Variants in PTCHD4 observed in about 807,000 individuals in gnomAD.
PTCHD4 encodes patched domain-containing protein 4.
PTCHD4 carries 33 observed loss-of-function variants against 58.1 expected under a neutral mutation model. The observed-to-expected ratio is 0.57, with a 90% CI of 0.43 to 0.76. The LOEUF is 0.76. Ranked by LOEUF, PTCHD4 falls within the 30% of genes least tolerant of loss-of-function variation. The pLI is 0.00. For missense variants in PTCHD4, 1,058 were observed against 1,027.1 expected (o/e 1.03, Z -0.41); for synonymous variants, 478 against 409.6 (o/e 1.17, Z -2.02).
rs1309969530 is a variant in PTCHD4, at chr6:48,111,111, A to T, written c.-1032T>A. On this transcript the variant is annotated 5_prime_UTR_variant, in exon 1 of 5. Coordinates refer to ENST00000339488, the MANE Select transcript of PTCHD4 (RefSeq NM_001384253.1). ...CAACAGAATTGGAGAGTGAGAGGGG[A>T]TTTCTTTTATTTCTTCTCTGCTACT... Among the ~76,000 whole-genome samples, 1 of 151,458 alleles carries T rather than the reference A, an allele frequency of 6.6e-6. No individual in the cohort carries two copies. The highest frequency in any genetic ancestry group is 1.5e-5 in the Non-Finnish European group (1 of 67,896).
chr6:48,041,012 C>T (rs565559507), intron 3 of PTCHD4, among the ~76,000 whole-genome samples: 20 of 152,138 alleles, frequency 1.3e-4, no homozygotes, highest in South Asian at 2.1e-4. Context: ...GTAATGATTA[C>T]GGCAGTTCCA....
intron 4 of PTCHD4, among the ~76,000 whole-genome samples, chr6:47,917,374 AC>A (rs1765293264): frequency 6.6e-6 from 1 of 152,162 alleles, no homozygotes; most frequent in African/African-American, 2.4e-5. Context: ...AGTCTAAATA[AC>A]AAAAGTCAGA....
At chr6:47,906,721 T>C (rs934933325) in intron 4 of PTCHD4, among the ~76,000 whole-genome samples, 1 of 152,192 alleles carries the variant, frequency 6.6e-6, no homozygotes, top group African/African-American at 2.4e-5. Context: ...AGATAAGTGG[T>C]AATTATGGTG....
chr6:47,961,360 C>T lies in PTCHD4; in HGVS notation c.898+47274G>A, dbSNP rs1035542404. Among the ~76,000 whole-genome samples, 6 of 151,646 alleles carry T rather than the reference C, an allele frequency of 4.0e-5. No homozygotes were observed. The South Asian group carries it at 1.0e-3, about 26-fold the overall frequency. Reference sequence around the variant, plus strand: ...CAGGCTGGAGTCAGTGGCGTGATCTCGGCTTACTGCAACCTCCACCTCCCA... The same window carrying T: ...CAGGCTGGAGTCAGTGGCGTGATCTTGGCTTACTGCAACCTCCACCTCCCA... On this transcript the variant is annotated intron_variant, in intron 4 of 4. Coordinates refer to ENST00000339488, the MANE Select transcript of PTCHD4 (RefSeq NM_001384253.1).
At chr6:48,012,004 G>A (rs188218521) in intron 3 of PTCHD4, among the ~76,000 whole-genome samples, 12 of 152,238 alleles carry the variant, frequency 7.9e-5, no homozygotes, top group South Asian at 2.1e-4. Context: ...GTCAGGTAGC[G>A]TGATGTCTCT....
rs1763858180 is a variant in PTCHD4 at position 47,876,739 on chromosome 6, G to A, written c.*1564C>T. On this transcript the variant is annotated 3_prime_UTR_variant, in exon 5 of 5. Coordinates refer to ENST00000339488, the MANE Select transcript of PTCHD4 (RefSeq NM_001384253.1). The stretch of plus-strand genomic sequence containing the variant: ...CTACCTGGAAATAAATTATGTTACT[G>A]CTTGGCATGGGAAAAGGCATTTTCT... 6.6e-6 allele frequency among the ~76,000 whole-genome samples: 1 copy of A among 151,966 alleles called. No homozygotes were observed. Among genetic ancestry groups the A allele is most frequent in the African/African-American group, 2.4e-5 (1 of 41,406 alleles).
chr6:47,908,550 T>A (rs1424827157), intron 4 of PTCHD4, among the ~76,000 whole-genome samples: 1 of 152,184 alleles, frequency 6.6e-6, no homozygotes, highest in East Asian at 1.9e-4. Context: ...GGGGGTCCTT[T>A]TGAACATAAT....
At chr6:47,978,634 C>T (rs1767778222) in intron 4 of PTCHD4, among the ~76,000 whole-genome samples, 1 of 152,106 alleles carries the variant, frequency 6.6e-6, no homozygotes. Context: ...ACATTAAGCA[C>T]TTTACATAAG....
At chr6:48,016,648 G>A (rs1762878825) in intron 3 of PTCHD4, among the ~76,000 whole-genome samples, 1 of 151,892 alleles carries the variant, frequency 6.6e-6, no homozygotes, top group Admixed American at 6.6e-5. Context: ...AAAAATCTTG[G>A]GTTCGAAAGC....
intron 1 of PTCHD4, among the ~76,000 whole-genome samples, chr6:48,107,815 G>T (rs184274036): frequency 3.9e-5 from 6 of 152,284 alleles, no homozygotes; most frequent in Non-Finnish European, 7.4e-5. Flanking sequence ...CTTCTCAAAA[G>T]AAGACATTTA....
intron 1 of PTCHD4, among the ~76,000 whole-genome samples, chr6:48,099,042 AT>A (rs1765538420): frequency 6.6e-6 from 1 of 152,120 alleles, no homozygotes; most frequent in South Asian, 2.1e-4. Flanking sequence ...CATTTCAGCT[AT>A]TTTTGTCTGG....
At chr6:47,888,080 G>A (rs1167590797) in intron 4 of PTCHD4, among the ~76,000 whole-genome samples, 5 of 152,164 alleles carry the variant, frequency 3.3e-5, no homozygotes, top group East Asian at 1.9e-4. Flanking sequence ...GAGTAGGGAC[G>A]GGCATGGTGG....
At chr6:48,008,532 C>T (rs1562003679) in intron 4 of PTCHD4, 102 bp downstream of exon 4, 3 of 1,320,456 alleles carry the variant, frequency 2.3e-6, no homozygotes, top group Non-Finnish European at 3.1e-6. Flanking sequence ...ACATAGACAC[C>T]CCAATGCAAA....
intron 4 of PTCHD4, among the ~76,000 whole-genome samples, chr6:47,929,176 G>GA (rs945135710): frequency 1.3e-5 from 2 of 151,584 alleles, no homozygotes; most frequent in East Asian, 1.9e-4. Context: ...AGTATAAAAT[G>GA]AAAAAAAATT....
chr6:47,971,099 C>G (rs931344103), intron 4 of PTCHD4, among the ~76,000 whole-genome samples: 6 of 152,242 alleles, frequency 3.9e-5, no homozygotes, highest in African/African-American at 1.4e-4. Flanking sequence ...ACCAAGGGAT[C>G]ACAAGATTTT....
rs571558530 is a variant in PTCHD4 at position 47,940,318 on chromosome 6, T to C, written c.899-60382A>G. Among the ~76,000 whole-genome samples, 77 of 151,312 alleles carry C rather than the reference T, an allele frequency of 5.1e-4. 1 individual carries two copies. The highest frequency in any genetic ancestry group is 9.6e-4 in the Non-Finnish European group (65 of 68,038). On this transcript the variant is annotated intron_variant, in intron 4 of 4. Coordinates refer to ENST00000339488, the MANE Select transcript of PTCHD4 (RefSeq NM_001384253.1). ...GTTTCCTGCATTATGCCCCATGCAG[T>C]ATAATTAAGAAGAGGTATTAGGGGC... is the stretch of plus-strand genomic sequence containing the variant.
At chr6:47,884,096 G>C (rs1212561114) in intron 4 of PTCHD4, among the ~76,000 whole-genome samples, 1 of 151,932 alleles carries the variant, frequency 6.6e-6, no homozygotes, top group Non-Finnish European at 1.5e-5. Flanking sequence ...GTATGTATGT[G>C]TGTGTGTGTG....
At chr6:48,010,482 G>A (rs981515324) in intron 3 of PTCHD4, among the ~76,000 whole-genome samples, 1 of 152,060 alleles carries the variant, frequency 6.6e-6, no homozygotes, top group Non-Finnish European at 1.5e-5. Context: ...TTTAACATGT[G>A]ACAAAGCAAC....
Position 47,879,362 on chromosome 6 carries a change from T to A in PTCHD4, c.1473A>T (p.Leu491=). 2 of 1,613,452 alleles carry A rather than the reference T, an allele frequency of 1.2e-6. No individual in the cohort carries two copies. Among genetic ancestry groups the A allele is most frequent in the African/African-American group, 2.7e-5 (2 of 74,968 alleles). The part of the protein sequence containing the change: ...QISDGANIIN[L]LASDSPSVSY... ...AAACACTTGGCGAATCACTGGCTAG[T>A]AGATTGATGATGTTGGCTCCGTCAC... The change falls in exon 5 of 5, where the codon CTA becomes CTT. Residue 491 remains leucine, a synonymous_variant. Transcript: ENST00000339488.
Sources: gnomAD v4.1 joint callset for allele counts (sites outside exome capture counted in the v4.1 genomes callset) on GRCh38, gnomAD v4.1.1 for gene constraint, MANE v1.5 for transcripts, NCBI Gene and HGNC (gene_info 2026-07-23, HGNC 2026-07-21) for gene names.